Variants in GOLGA4 observed in about 807,000 individuals in gnomAD.
GOLGA4 encodes the protein golgin A4.
In GOLGA4, 169 loss-of-function variants were observed where a neutral mutation model predicts 265.9. The ratio of observed to expected loss-of-function variants is 0.64; its 90% CI spans 0.56 to 0.72. The LOEUF (loss-of-function observed/expected upper bound fraction) is 0.72, where lower values mean the gene tolerates loss of function less well. Among genes scored for constraint, GOLGA4 ranks in the 30% least tolerant of loss-of-function variants. The pLI, the probability that GOLGA4 is intolerant of heterozygous loss-of-function variation, is 0.00. For synonymous variants in GOLGA4, 923 were observed against 855.8 expected (o/e 1.08, Z -1.37); for missense variants, 2,482 against 2,483.4 (o/e 1.00, Z 0.01).
chr3:37,299,115 A>T (rs932660022), intron 8 of GOLGA4, 95 bp downstream of exon 8: 6 of 1,113,938 alleles, frequency 5.4e-6, no homozygotes, highest in Non-Finnish European at 6.5e-6. Flanking sequence ...AGGAGAGTGG[A>T]TGGAAAGGGC....
At chr3:37,329,298 TCTG>T in intron 16 of GOLGA4, 1 of 415,932 alleles carries the variant, frequency 2.4e-6, no homozygotes, top group South Asian at 3.8e-5. Flanking sequence ...CTGATGAGAT[TCTG>T]CTAACTAGGC....
intron 10 of GOLGA4, among the ~76,000 whole-genome samples, chr3:37,313,806 A>G (rs149258500): frequency 8.5e-5 from 13 of 152,296 alleles, no homozygotes; most frequent in South Asian, 2.1e-4. Flanking sequence ...GAAAATACCA[A>G]TATCAACTTG....
chr3:37,345,037 G>A (rs2097051675), intron 20 of GOLGA4, among the ~76,000 whole-genome samples: 1 of 151,938 alleles, frequency 6.6e-6, no homozygotes, highest in African/African-American at 2.4e-5. Context: ...CAATGTAGTG[G>A]GACCCTGTCT....
intron 2 of GOLGA4, chr3:37,266,977 G>A: frequency 1.0e-6 from 1 of 957,482 alleles, no homozygotes; most frequent in Non-Finnish European, 1.4e-6. Context: ...TCCCTTTGTG[G>A]GGAAGCAAAG....
At chr3:37,353,441 A>G (rs2097081060) in intron 21 of GOLGA4, among the ~76,000 whole-genome samples, 1 of 152,126 alleles carries the variant, frequency 6.6e-6, no homozygotes. Flanking sequence ...CTTCAGTTTA[A>G]CACACAGATT....
intron 2 of GOLGA4, among the ~76,000 whole-genome samples, chr3:37,279,263 A>C (rs1347848911): frequency 6.6e-6 from 1 of 152,200 alleles, no homozygotes; most frequent in African/African-American, 2.4e-5. Context: ...CCAAAGTCTG[A>C]AACTTTTTGA....
At chr3:37,253,510 T>C (rs1273115697) in intron 2 of GOLGA4, among the ~76,000 whole-genome samples, 1 of 152,102 alleles carries the variant, frequency 6.6e-6, no homozygotes, top group Non-Finnish European at 1.5e-5. Context: ...AGCAAGGAGA[T>C]GAAGTGATGA....
intron 2 of GOLGA4, among the ~76,000 whole-genome samples, chr3:37,251,831 C>T (rs889506448): frequency 6.6e-6 from 1 of 152,112 alleles, no homozygotes; most frequent in Non-Finnish European, 1.5e-5. Flanking sequence ...ACTATAGGCG[C>T]ACGCCACCTG....
At chr3:37,253,101 T>G (rs2096738579) in intron 2 of GOLGA4, among the ~76,000 whole-genome samples, 1 of 151,706 alleles carries the variant, frequency 6.6e-6, no homozygotes, top group Non-Finnish European at 1.5e-5. Context: ...TAAAATAAAA[T>G]AAAATTAGCT....
intron 23 of GOLGA4, among the ~76,000 whole-genome samples, chr3:37,364,762 A>T (rs11129759): frequency 0.28 from 42,607 of 150,058 alleles, 7,495 homozygotes; most frequent in Non-Finnish European, 0.4. Flanking sequence ...ATTTTTTTTA[A>T]AAAAAAGTTT....
chr3:37,336,187 A>G (rs2097011691), intron 17 of GOLGA4, among the ~76,000 whole-genome samples: 1 of 152,052 alleles, frequency 6.6e-6, no homozygotes, highest in African/African-American at 2.4e-5. Flanking sequence ...TTAATAGCTA[A>G]GTTAGTTCTG....
At chr3:37,312,014 AGTTTT>A (rs1456355241) in intron 10 of GOLGA4, among the ~76,000 whole-genome samples, 6 of 152,214 alleles carry the variant, frequency 3.9e-5, no homozygotes, top group African/African-American at 1.2e-4. Flanking sequence ...TTGACTACAT[AGTTTT>A]GTTTTATTTT....
chr3:37,319,981 C>T (rs1319827297), intron 12 of GOLGA4: 1 of 152,036 alleles, frequency 6.6e-6, no homozygotes. Context: ...GTACCCAGAG[C>T]TCAAGGCTGA....
In GOLGA4 at chr3:37,363,594, G is replaced by A. The variant is rs555496982; in HGVS notation, c.*33+2289G>A. Among the ~76,000 whole-genome samples, 20 of 152,200 alleles carry A rather than the reference G, an allele frequency of 1.3e-4. No individual in the cohort carries two copies. In the East Asian group the frequency reaches 1.5e-3, roughly 12 times the overall value. Reference sequence around the variant, plus strand: ...TTGTAACATTTGGCAATTACTTGCCGACATGCTTGCAAGCATTTGACAATT... The same window carrying A: ...TTGTAACATTTGGCAATTACTTGCCAACATGCTTGCAAGCATTTGACAATT... On this transcript the variant is annotated intron_variant, in intron 23 of 23. Transcript: ENST00000361924.
intron 2 of GOLGA4, chr3:37,275,815 G>T (rs1027364579): frequency 6.2e-7 from 1 of 1,613,720 alleles, no homozygotes; most frequent in Non-Finnish European, 8.5e-7. Context: ...TGGAATTACT[G>T]CAGTCCACAA....
chr3:37,337,866 CA>C, intron 19 of GOLGA4, 132 bp downstream of exon 19: 2 of 612,446 alleles, frequency 3.3e-6, no homozygotes, highest in Non-Finnish European at 5.9e-6. Flanking sequence ...TTTCCAAATC[CA>C]AAGGTACTAG....
chr3:37,327,811 G>C lies in GOLGA4; in HGVS notation c.5925G>C (p.Arg1975Ser), dbSNP rs778422835. ...EILKKEYDQE[R>S]EEKIKQEQED... ...TAAAGAAAGAATATGATCAAGAAAG[G>C]GAAGAGAAAATCAAGTAAGTTTTAT... The change falls in exon 14 of 24, where the codon AGG becomes AGC. Residue 1975 changes from arginine (R) to serine (S), a missense_variant. Physicochemically the swap from Arg to Ser is moderately radical, Grantham distance 110. This residue lies in a region of GOLGA4 where 942 missense variants were observed against 983.1 expected (regional missense o/e 0.96). Transcript: ENST00000361924. 1.9e-5 allele frequency: 31 copies of C among 1,596,490 alleles called. No homozygotes were observed. In the Admixed American group the frequency reaches 3.1e-4, roughly 16 times the overall value.
chr3:37,258,187 CTG>C (rs1417322998), intron 2 of GOLGA4, among the ~76,000 whole-genome samples: 1 of 141,684 alleles, frequency 7.1e-6, no homozygotes, highest in African/African-American at 2.6e-5. Flanking sequence ...TATATATGCT[CTG>C]TATATGTATG....
At chr3:37,322,384 A>C (rs750413190) in intron 13 of GOLGA4, among the ~76,000 whole-genome samples, 10 of 152,146 alleles carry the variant, frequency 6.6e-5, no homozygotes, top group Non-Finnish European at 1.2e-4. Context: ...TGTATGTCCC[A>C]GAGTGTACGT....
Sources: gnomAD v4.1 joint callset for allele counts (sites outside exome capture counted in the v4.1 genomes callset) on GRCh38, gnomAD v4.1.1 for gene constraint, gnomAD v4.1.1 regional missense constraint, MANE v1.5 for transcripts, NCBI Gene and HGNC (gene_info 2026-07-23, HGNC 2026-07-21) for gene names.